The following NR6A1 variants were observed in gnomAD, a reference collection of about 807,000 sequenced individuals.
The protein encoded by NR6A1 is nuclear receptor subfamily 6 group A member 1, also known as retinoic acid receptor-related testis-associated receptor.
A neutral mutation model predicts 59.1 loss-of-function variants in NR6A1; 7 were observed. The ratio of observed to expected loss-of-function variants is 0.12; its 90% CI spans 0.07 to 0.22. The LOEUF is 0.22. NR6A1 is among the 10% of genes least tolerant of loss of function. The pLI is 1.00. For missense variants in NR6A1, 468 were observed against 611.6 expected (o/e 0.77, Z 2.48); for synonymous variants, 243 against 236.1 (o/e 1.03, Z -0.27).
chr9:124,705,301 C>A (rs972250689), intron 2 of NR6A1, among the ~76,000 whole-genome samples: 2 of 152,152 alleles, frequency 1.3e-5, no homozygotes, highest in African/African-American at 4.8e-5. Flanking sequence ...AAATTAAAAT[C>A]TACAATTACT....
At chr9:124,605,493 C>G (rs1835553567) in intron 2 of NR6A1, among the ~76,000 whole-genome samples, 1 of 152,074 alleles carries the variant, frequency 6.6e-6, no homozygotes, top group Non-Finnish European at 1.5e-5. Flanking sequence ...GCTTGGGTGA[C>G]AGAGCAAGAG....
intron 2 of NR6A1, among the ~76,000 whole-genome samples, chr9:124,643,102 G>GT (rs988643386): frequency 2.5e-5 from 3 of 121,426 alleles, no homozygotes; most frequent in African/African-American, 1.1e-4. Context: ...GCCCTCGGGT[G>GT]GGGGGGGGGA....
intron 2 of NR6A1, among the ~76,000 whole-genome samples, chr9:124,715,043 A>C (rs12685873): frequency 0.12 from 17,550 of 151,914 alleles, 2,702 homozygotes; most frequent in African/African-American, 0.34. Context: ...ACTAAAAATA[A>C]AAAAACTAGC....
chr9:124,612,776 G>C (rs898845568), intron 2 of NR6A1, among the ~76,000 whole-genome samples: 4 of 149,882 alleles, frequency 2.7e-5, no homozygotes, highest in African/African-American at 9.8e-5. Context: ...GTAGTAGTTT[G>C]GGTTTTTCTT....
At chr9:124,668,757 A>G (rs1249906473) in intron 2 of NR6A1, among the ~76,000 whole-genome samples, 1 of 152,244 alleles carries the variant, frequency 6.6e-6, no homozygotes, top group African/African-American at 2.4e-5. Flanking sequence ...ACACTTATAC[A>G]GAAATCACTG....
intron 2 of NR6A1, among the ~76,000 whole-genome samples, chr9:124,649,714 G>C (rs1837042799): frequency 6.6e-6 from 1 of 152,070 alleles, no homozygotes; most frequent in Non-Finnish European, 1.5e-5. Flanking sequence ...CCACTGACAA[G>C]AGATGAATAA....
In NR6A1 at chr9:124,761,545, G is replaced by C. The variant is rs538176180; in HGVS notation, c.100+9475C>G. On this transcript the variant is annotated intron_variant, in intron 1 of 9. Transcript: ENST00000487099. The stretch of plus-strand genomic sequence containing the variant: ...CTCACACTAGGAAAGGATATTCTTC[G>C]ACCAGAGGAAGAGATGCCTCTCCTA... Among the ~76,000 whole-genome samples, 3 of 152,210 alleles carry C rather than the reference G, an allele frequency of 2.0e-5. No individual in the cohort carries two copies. In the South Asian group the frequency reaches 6.2e-4, roughly 32 times the overall value.
intron 2 of NR6A1, among the ~76,000 whole-genome samples, chr9:124,635,347 A>G (rs779037355): frequency 2.6e-5 from 4 of 152,164 alleles, no homozygotes; most frequent in Non-Finnish European, 5.9e-5. Flanking sequence ...CCAGGTAGAG[A>G]TAACTGCATC....
intron 2 of NR6A1, among the ~76,000 whole-genome samples, chr9:124,666,023 A>G (rs558723639): frequency 6.6e-6 from 1 of 152,326 alleles, no homozygotes; most frequent in East Asian, 1.9e-4. Context: ...AAAAGTTCCA[A>G]TTAAGAAATT....
At chr9:124,671,474 C>T (rs1837793751) in intron 2 of NR6A1, among the ~76,000 whole-genome samples, 1 of 152,114 alleles carries the variant, frequency 6.6e-6, no homozygotes. Flanking sequence ...AATATTTCCT[C>T]CAAAGACATT....
chr9:124,732,637 T>C (rs575501955), intron 2 of NR6A1, among the ~76,000 whole-genome samples: 1 of 152,258 alleles, frequency 6.6e-6, no homozygotes, highest in East Asian at 1.9e-4. Context: ...TTCAAAACTA[T>C]CAATACTTTA....
At chr9:124,727,839 C>T (rs1839767268) in intron 2 of NR6A1, among the ~76,000 whole-genome samples, 1 of 151,876 alleles carries the variant, frequency 6.6e-6, no homozygotes, top group African/African-American at 2.4e-5. Flanking sequence ...CATGTGCCAC[C>T]ATGGCCAGTT....
intron 2 of NR6A1, among the ~76,000 whole-genome samples, chr9:124,679,033 G>T (rs1040347490): frequency 1.3e-5 from 2 of 152,098 alleles, no homozygotes; most frequent in Non-Finnish European, 2.9e-5. Flanking sequence ...CAAGACCCCT[G>T]TCTCTAAAAA....
intron 2 of NR6A1, among the ~76,000 whole-genome samples, chr9:124,703,822 C>T (rs1164308771): frequency 1.6e-5 from 2 of 124,154 alleles, no homozygotes; most frequent in African/African-American, 6.0e-5. Context: ...AGTATTATTG[C>T]TTCCTTGATT....
At chr9:124,603,738 G>A (rs1352304234) in intron 2 of NR6A1, among the ~76,000 whole-genome samples, 1 of 152,108 alleles carries the variant, frequency 6.6e-6, no homozygotes, top group African/African-American at 2.4e-5. Context: ...GGAAGGAAAG[G>A]AGCTGCTTCA....
chr9:124,602,840 C>G (rs1446554521), intron 2 of NR6A1, among the ~76,000 whole-genome samples: 1 of 152,182 alleles, frequency 6.6e-6, no homozygotes, highest in Non-Finnish European at 1.5e-5. Context: ...CCTCTATAAC[C>G]CAGCTCTTCC....
chr9:124,759,189 T>G (rs984894747), intron 1 of NR6A1, among the ~76,000 whole-genome samples: 1 of 152,364 alleles, frequency 6.6e-6, no homozygotes, highest in African/African-American at 2.4e-5. Flanking sequence ...TTTATAAATT[T>G]TGGACACCTA....
chr9:124,657,205 A>C (rs1477690972), intron 2 of NR6A1, among the ~76,000 whole-genome samples: 2 of 150,624 alleles, frequency 1.3e-5, no homozygotes, highest in Middle Eastern at 6.8e-3. Flanking sequence ...GGTTAAGACA[A>C]GAGAATAATT....
chr9:124,747,629 T>C (rs971101259), intron 1 of NR6A1, among the ~76,000 whole-genome samples: 1 of 152,172 alleles, frequency 6.6e-6, no homozygotes, highest in African/African-American at 2.4e-5. Flanking sequence ...ACTGAACCTA[T>C]TATTTTCTCT....
Sources: allele counts gnomAD v4.1 joint callset (sites outside exome capture counted in the v4.1 genomes callset), GRCh38; gene constraint gnomAD v4.1.1; transcripts MANE v1.5; gene names NCBI Gene and HGNC (gene_info 2026-07-23, HGNC 2026-07-21).